Variants in TFEC observed in about 807,000 individuals in gnomAD.
TFEC encodes class E basic helix-loop-helix protein 34.
In TFEC, 31 loss-of-function variants were observed where a neutral mutation model predicts 41.6. The ratio of observed to expected loss-of-function variants is 0.74; its 90% CI spans 0.56 to 1.01. TFEC has a LOEUF of 1.01. Among genes scored for constraint, TFEC ranks in the 50% least tolerant of loss-of-function variants. The probability of loss-of-function intolerance (pLI) is 0.00; values close to 1 mark genes in which losing one functional copy is unlikely to be tolerated. For synonymous variants in TFEC, 143 were observed against 140.6 expected (o/e 1.02, Z -0.12); for missense variants, 402 against 404.1 (o/e 0.99, Z 0.04).
chr7:116,033,742 A>G (rs918487903), upstream of TFEC, among the ~76,000 whole-genome samples: 2 of 152,116 alleles, frequency 1.3e-5, no homozygotes, highest in African/African-American at 4.8e-5. Context: ...CATTGACTCA[A>G]CCAGATCATT....
chr7:116,019,716 T>C (rs1226678916), intron 1 of TFEC, among the ~76,000 whole-genome samples: 2 of 152,082 alleles, frequency 1.3e-5, no homozygotes, highest in East Asian at 1.9e-4. Flanking sequence ...AAAGAACAAA[T>C]AAGACACCCA....
chr7:115,969,863 T>C (rs921288824), intron 3 of TFEC, among the ~76,000 whole-genome samples: 11 of 151,912 alleles, frequency 7.2e-5, no homozygotes, highest in African/African-American at 2.4e-4. Context: ...TACAAAAACA[T>C]ATTGATAGAT....
chr7:116,010,014 A>C (rs1211184878), intron 1 of TFEC, among the ~76,000 whole-genome samples: 2 of 152,302 alleles, frequency 1.3e-5, no homozygotes, highest in African/African-American at 4.8e-5. Flanking sequence ...GGTGAACAGG[A>C]AGTAACTACA....
chr7:115,955,820 A>C (rs1017352071), intron 4 of TFEC, among the ~76,000 whole-genome samples: 3 of 152,056 alleles, frequency 2.0e-5, no homozygotes, highest in Admixed American at 2.0e-4. Flanking sequence ...TTAAAACTAT[A>C]GTCATTAATT....
chr7:116,005,613 G>A (rs1331950305), intron 1 of TFEC, among the ~76,000 whole-genome samples: 3 of 152,194 alleles, frequency 2.0e-5, no homozygotes, highest in Admixed American at 2.0e-4. Context: ...GGGAAACAGA[G>A]CATAAAAGTT....
chr7:115,981,367 CT>C (rs1205685084), intron 2 of TFEC, among the ~76,000 whole-genome samples: 4 of 151,964 alleles, frequency 2.6e-5, no homozygotes. Context: ...TCTAGAATAC[CT>C]TGATTTCACT....
At chr7:115,968,066 T>A (rs1792953617) in intron 3 of TFEC, 1 of 1,047,216 alleles carries the variant, frequency 9.5e-7, no homozygotes, top group African/African-American at 1.6e-5. Flanking sequence ...TTTATGCGTT[T>A]CAAAGCTCAA....
At chr7:116,020,010 T>C (rs1390918749) in intron 1 of TFEC, among the ~76,000 whole-genome samples, 4 of 152,346 alleles carry the variant, frequency 2.6e-5, no homozygotes, top group South Asian at 4.1e-4. Flanking sequence ...AAGTTTGCTA[T>C]GTGTCAGGCA....
intron 2 of TFEC, among the ~76,000 whole-genome samples, chr7:115,976,390 A>G (rs1793380235): frequency 6.6e-6 from 1 of 152,122 alleles, no homozygotes; most frequent in Admixed American, 6.6e-5. Flanking sequence ...GCACCACTGC[A>G]CTCCAGCCCA....
In TFEC at chr7:115,938,335, T is replaced by C. The variant is rs920345201; in HGVS notation, c.*2216A>G. On this transcript the variant is annotated 3_prime_UTR_variant, in exon 8 of 8. Transcript: ENST00000265440. ...TGAACTCCAAAATATATTCCTTATC[T>C]ATAATTTTTAACATTTAATCAAATT... 2 of 151,988 alleles carry C rather than the reference T, an allele frequency of 1.3e-5. No homozygotes were observed. The highest frequency in any genetic ancestry group is 6.6e-5 in the Admixed American group (1 of 15,226). The allele number at this position is 151,988 out of a possible 1,614,324, so 9.4% of individuals were successfully genotyped here. A position where few individuals can be genotyped will look rare whatever the true frequency, so the allele number is the denominator to read the frequency against.
intron 1 of TFEC, among the ~76,000 whole-genome samples, chr7:116,003,130 A>G (rs1435774423): frequency 6.6e-6 from 1 of 152,138 alleles, no homozygotes. Context: ...TAAAAGACAG[A>G]TAACAAGAAA....
intron 1 of TFEC, among the ~76,000 whole-genome samples, chr7:115,986,996 T>C (rs1283954016): frequency 3.9e-5 from 6 of 152,180 alleles, no homozygotes; most frequent in Non-Finnish European, 7.3e-5. Flanking sequence ...CAGTCACAAA[T>C]GTTACTCATG....
In TFEC at chr7:115,939,290, T is replaced by A. The variant is rs1793373416; in HGVS notation, c.*1261A>T. On this transcript the variant is annotated 3_prime_UTR_variant, in exon 8 of 8. Transcript: ENST00000265440. ...TTGATCGGATGATCACTCTTGGAGG[T>A]CCAGCACAGAGCAACGTGCTTGGTA... 6.6e-6 allele frequency: 1 copy of A among 151,954 alleles called. No homozygotes were observed. Among genetic ancestry groups the A allele is most frequent in the South Asian group, 2.1e-4 (1 of 4,830 alleles). 9.4% of individuals were successfully genotyped at this position (151,954 alleles called of 1,614,324 possible). A position where few individuals can be genotyped will look rare whatever the true frequency, so the allele number is the denominator to read the frequency against.
chr7:116,122,959 A>C (rs1319674805), intron 1 of TFEC, among the ~76,000 whole-genome samples: 2 of 152,042 alleles, frequency 1.3e-5, no homozygotes, highest in Non-Finnish European at 2.9e-5. Flanking sequence ...CCAAGTAGCC[A>C]AACAAGCGTG....
chr7:115,946,417 G>GTGTGTT (rs1554378507), intron 6 of TFEC, among the ~76,000 whole-genome samples: 1 of 121,254 alleles, frequency 8.2e-6, no homozygotes, highest in Non-Finnish European at 1.9e-5. Context: ...GTGTGTGTGT[G>GTGTGTT]TGTGTGTGTG....
At chr7:115,992,038 C>G (rs920732796) in intron 1 of TFEC, among the ~76,000 whole-genome samples, 3 of 152,152 alleles carry the variant, frequency 2.0e-5, no homozygotes, top group Middle Eastern at 3.2e-3. Flanking sequence ...AACTAGAACT[C>G]AAGATTAAGA....
intron 6 of TFEC, among the ~76,000 whole-genome samples, chr7:115,945,873 T>C (rs999359861): frequency 2.0e-5 from 3 of 151,748 alleles, no homozygotes; most frequent in African/African-American, 7.2e-5. Flanking sequence ...AGCTCATTCA[T>C]TCCATGTTGT....
At chr7:116,066,820 C>T (rs1482634290) in intron 3 of TFEC, among the ~76,000 whole-genome samples, 1 of 151,948 alleles carries the variant, frequency 6.6e-6, no homozygotes, top group Non-Finnish European at 1.5e-5. Context: ...ATGCAATTCA[C>T]AAAAGGCTTA....
intron 1 of TFEC, among the ~76,000 whole-genome samples, chr7:116,002,723 A>C (rs1794645102): frequency 6.6e-6 from 1 of 152,140 alleles, no homozygotes; most frequent in Admixed American, 6.5e-5. Context: ...ATAGATACCC[A>C]ATTTACCCTC....
Sources: allele counts gnomAD v4.1 joint callset (sites outside exome capture counted in the v4.1 genomes callset), GRCh38; gene constraint gnomAD v4.1.1; transcripts MANE v1.5; gene names NCBI Gene and HGNC (gene_info 2026-07-23, HGNC 2026-07-21).